The following TASP1 variants were observed in gnomAD, a reference collection of about 807,000 sequenced individuals.
The protein encoded by TASP1 is threonine aspartase 1.
Under a neutral mutation model 56.6 loss-of-function variants are expected in TASP1, and 16 were observed. That is an observed-to-expected ratio of 0.28 (90% confidence interval 0.19 to 0.43). TASP1 has a LOEUF of 0.43. TASP1 is among the 20% of genes least tolerant of loss of function. The probability of loss-of-function intolerance (pLI) is 1.00; values close to 1 mark genes in which losing one functional copy is unlikely to be tolerated. For synonymous variants in TASP1, 179 were observed against 184.2 expected, an observed-to-expected ratio of 0.97 and a Z score of 0.23; for missense variants, 393 against 511.6, an observed-to-expected ratio of 0.77 and a Z score of 2.24.
chr20:13,463,675 T>A (rs907754150), intron 11 of TASP1, among the ~76,000 whole-genome samples: 2 of 151,816 alleles, frequency 1.3e-5, no homozygotes, highest in Non-Finnish European at 2.9e-5. Context: ...AAAGAACTAA[T>A]CAAAAAGTGG....
At chr20:13,259,482 T>C in the TASP1 span, among the ~76,000 whole-genome samples, 2 of 152,012 alleles carry the variant, frequency 1.3e-5, no homozygotes, top group Non-Finnish European at 2.9e-5. Context: ...GTGAATCTCA[T>C]ACAAATAAAG....
chr20:13,358,358 G>A, the TASP1 span, among the ~76,000 whole-genome samples: 2 of 152,202 alleles, frequency 1.3e-5, no homozygotes, highest in Non-Finnish European at 2.9e-5. Flanking sequence ...TGGATGGGGG[G>A]ACCTCCCTTG....
chr20:13,136,848 A>G, the TASP1 span, among the ~76,000 whole-genome samples: 2 of 151,656 alleles, frequency 1.3e-5, no homozygotes, highest in African/African-American at 4.8e-5. Context: ...ATTGCTGCAA[A>G]AAAGGTCATA....
At chr20:13,632,364 CAA>C (rs565886595) in intron 1 of TASP1, among the ~76,000 whole-genome samples, 12 of 47,944 alleles carry the variant, frequency 2.5e-4, no homozygotes, top group Non-Finnish European at 3.0e-4. Flanking sequence ...GACTCCATCT[CAA>C]AAAAAAAAAA....
chr20:13,526,531 ATAT>A (rs982505799), intron 10 of TASP1, among the ~76,000 whole-genome samples: 2 of 152,172 alleles, frequency 1.3e-5, no homozygotes, highest in Middle Eastern at 3.2e-3. Context: ...AAATTAACTC[ATAT>A]TATTACATTA....
At chr20:13,120,604 A>G in the TASP1 span, among the ~76,000 whole-genome samples, 1 of 152,212 alleles carries the variant, frequency 6.6e-6, no homozygotes, top group Admixed American at 6.5e-5. Context: ...GGAAATCTTT[A>G]TGGAATGGGT....
the TASP1 span, among the ~76,000 whole-genome samples, chr20:13,151,433 G>C: frequency 6.6e-6 from 1 of 152,226 alleles, no homozygotes; most frequent in Admixed American, 6.5e-5. Flanking sequence ...TAGAGGGGCT[G>C]AGATGTCAGC....
At chr20:13,511,477 C>A (rs1398620564) in intron 10 of TASP1, among the ~76,000 whole-genome samples, 1 of 152,102 alleles carries the variant, frequency 6.6e-6, no homozygotes, top group Admixed American at 6.6e-5. Flanking sequence ...ACCCAAAGCA[C>A]CCTAATCACT....
chr20:13,124,369 G>A, the TASP1 span, among the ~76,000 whole-genome samples: 1 of 151,600 alleles, frequency 6.6e-6, no homozygotes, highest in African/African-American at 2.4e-5. Context: ...GAAGAAGGGA[G>A]GGAGGAAGGA....
chr20:13,593,561 G>A (rs1187597023), intron 4 of TASP1, among the ~76,000 whole-genome samples: 7 of 152,196 alleles, frequency 4.6e-5, no homozygotes, highest in African/African-American at 1.7e-4. Flanking sequence ...CCCATGCCTG[G>A]CTCGGCAGGT....
intron 10 of TASP1, among the ~76,000 whole-genome samples, chr20:13,507,056 C>T (rs2044159627): frequency 6.6e-6 from 1 of 151,954 alleles, no homozygotes; most frequent in Non-Finnish European, 1.5e-5. Context: ...TTAAAATAAA[C>T]AAATTCAGTA....
At chr20:13,394,899 C>T (rs1470975218) in intron 13 of TASP1, among the ~76,000 whole-genome samples, 1 of 151,842 alleles carries the variant, frequency 6.6e-6, no homozygotes. Flanking sequence ...TTTTATAAAA[C>T]CAAATACAAT....
intron 11 of TASP1, among the ~76,000 whole-genome samples, chr20:13,436,519 T>C (rs2043009645): frequency 6.6e-6 from 1 of 152,054 alleles, no homozygotes; most frequent in Non-Finnish European, 1.5e-5. Context: ...AAAAAGGAAG[T>C]GACTCCTCCC....
chr20:13,385,779 C>G (rs6109848), downstream of TASP1, among the ~76,000 whole-genome samples: 19,277 of 152,238 alleles, frequency 0.13, 2,834 homozygotes, highest in African/African-American at 0.36. Flanking sequence ...CCTGTAGGAA[C>G]TCTCTCAAAA....
the TASP1 span, among the ~76,000 whole-genome samples, chr20:13,129,204 G>A: frequency 0.24 from 37,044 of 151,944 alleles, 4,737 homozygotes; most frequent in South Asian, 0.43. Flanking sequence ...GTTTCACCAC[G>A]TTGGCCATGC....
intron 6 of TASP1, among the ~76,000 whole-genome samples, chr20:13,578,093 G>T (rs79171890): frequency 1.1e-3 from 169 of 152,086 alleles, no homozygotes; most frequent in Non-Finnish European, 2.0e-3. Context: ...CTCTCAACTG[G>T]CTGTTTATGT....
chr20:13,214,576 G>C, the TASP1 span, among the ~76,000 whole-genome samples: 1 of 151,736 alleles, frequency 6.6e-6, no homozygotes, highest in Non-Finnish European at 1.5e-5. Context: ...GAGAGAGAGA[G>C]AGAGAGAGAG....
At chr20:13,534,854 G>C (rs1045891899) in intron 8 of TASP1, among the ~76,000 whole-genome samples, 2 of 152,098 alleles carry the variant, frequency 1.3e-5, no homozygotes, top group Non-Finnish European at 2.9e-5. Context: ...CAAAGTTTAT[G>C]GGTCACCTGT....
chr20:13,277,446 G>A, the TASP1 span, among the ~76,000 whole-genome samples: 7 of 152,080 alleles, frequency 4.6e-5, no homozygotes, highest in Non-Finnish European at 4.4e-5. Context: ...GAAAGGTTAT[G>A]TCTCCAAAGG....
Sources: gnomAD v4.1 joint callset for allele counts (sites outside exome capture counted in the v4.1 genomes callset) on GRCh38, gnomAD v4.1.1 for gene constraint, MANE v1.5 for transcripts, NCBI Gene and HGNC (gene_info 2026-07-23, HGNC 2026-07-21) for gene names.